Variants in ANTXR1 observed in about 807,000 individuals in gnomAD.
The protein encoded by ANTXR1 is ANTXR cell adhesion molecule 1.
ANTXR1 carries 19 observed loss-of-function variants against 78.1 expected under a neutral mutation model. That is an observed-to-expected ratio of 0.24 (90% CI 0.17 to 0.36). ANTXR1 has a LOEUF of 0.36. ANTXR1 is among the 10% of genes least tolerant of loss of function. The probability of loss-of-function intolerance (pLI) is 1.00; values close to 1 mark genes in which losing one functional copy is unlikely to be tolerated. For missense variants in ANTXR1, 518 were observed against 718.6 expected (o/e 0.72, Z 3.19); for synonymous variants, 273 against 260.5 (o/e 1.05, Z -0.46).
At chr2:69,219,040 A>G (rs940327668) in intron 17 of ANTXR1, among the ~76,000 whole-genome samples, 3 of 152,176 alleles carry the variant, frequency 2.0e-5, no homozygotes, top group African/African-American at 7.2e-5. Context: ...TATTATGATT[A>G]TTATTTCATG....
chr2:69,016,195 C>T (rs370731328), intron 1 of ANTXR1, among the ~76,000 whole-genome samples: 23 of 152,234 alleles, frequency 1.5e-4, no homozygotes, highest in African/African-American at 5.3e-4. Context: ...ATATGTGACT[C>T]GAGCACTTGA....
chr2:69,044,008 C>A (rs564062540), intron 2 of ANTXR1, among the ~76,000 whole-genome samples: 1 of 152,288 alleles, frequency 6.6e-6, no homozygotes, highest in African/African-American at 2.4e-5. Context: ...TTGCTGAATC[C>A]ACTGCAGTCT....
chr2:69,115,293 A>G (rs934997930), intron 10 of ANTXR1, among the ~76,000 whole-genome samples: 2 of 152,260 alleles, frequency 1.3e-5, no homozygotes, highest in African/African-American at 4.8e-5. Context: ...AATATTGTAA[A>G]GCCCTGATAC....
chr2:69,022,959 T>C (rs1031783078), intron 1 of ANTXR1, among the ~76,000 whole-genome samples: 2 of 152,206 alleles, frequency 1.3e-5, no homozygotes, highest in African/African-American at 2.4e-5. Context: ...ATTTAAGCCA[T>C]GTTGTTTACT....
chr2:69,076,742 T>C (rs1415652325), intron 7 of ANTXR1, among the ~76,000 whole-genome samples: 3 of 152,250 alleles, frequency 2.0e-5, no homozygotes, highest in Non-Finnish European at 4.4e-5. Flanking sequence ...AATGAGTAAG[T>C]ATTACTTTTG....
intron 17 of ANTXR1, among the ~76,000 whole-genome samples, chr2:69,212,578 G>A (rs1329682896): frequency 2.6e-5 from 4 of 152,148 alleles, no homozygotes; most frequent in Admixed American, 2.0e-4. Flanking sequence ...ATTTATATTT[G>A]TACTATTCAG....
intron 3 of ANTXR1, among the ~76,000 whole-genome samples, chr2:69,048,515 C>T (rs1669842131): frequency 6.6e-6 from 1 of 152,074 alleles, no homozygotes; most frequent in Admixed American, 6.6e-5. Flanking sequence ...TAAATTAGTA[C>T]TTCTTCTAGA....
At chr2:69,053,032 A>T (rs1400706779) in intron 3 of ANTXR1, among the ~76,000 whole-genome samples, 1 of 152,214 alleles carries the variant, frequency 6.6e-6, no homozygotes, top group Non-Finnish European at 1.5e-5. Context: ...AATGTCTTCA[A>T]CATAAATATA....
At chr2:69,148,025 G>A (rs1673275017) in intron 12 of ANTXR1, among the ~76,000 whole-genome samples, 1 of 152,212 alleles carries the variant, frequency 6.6e-6, no homozygotes, top group African/African-American at 2.4e-5. Context: ...CAGAATTGCA[G>A]CTGTCCTCCA....
intron 8 of ANTXR1, among the ~76,000 whole-genome samples, chr2:69,083,463 C>G (rs985693843): frequency 6.6e-6 from 1 of 152,180 alleles, no homozygotes; most frequent in Non-Finnish European, 1.5e-5. Context: ...CTCTCCTCTT[C>G]CATGAGCTCT....
intron 3 of ANTXR1, among the ~76,000 whole-genome samples, chr2:69,048,125 GTTCTTACATTAATT>G (rs1203485065): frequency 6.6e-6 from 1 of 152,070 alleles, no homozygotes; most frequent in Non-Finnish European, 1.5e-5. Flanking sequence ...GGAGAGTCTT[GTTCTTACATTAATT>G]GAAATACTTC....
In ANTXR1 at chr2:69,249,133, T is replaced by C. The variant is rs913001599; in HGVS notation, c.*3648T>C. 1 of 152,152 alleles carries C rather than the reference T, an allele frequency of 6.6e-6. No homozygotes were observed. The highest frequency in any genetic ancestry group is 2.4e-5 in the African/African-American group (1 of 41,422). 9.4% of individuals were successfully genotyped at this position (152,152 alleles called of 1,614,324 possible). ...ACCTGTACAATGACAACCCTGGAAG[T>C]TGCTTTTTTTAAAAAAATAATAAAT... On this transcript the variant is annotated 3_prime_UTR_variant, in exon 18 of 18. Transcript: ENST00000303714.
At chr2:69,038,822 T>G (rs747659269) in intron 1 of ANTXR1, among the ~76,000 whole-genome samples, 1 of 152,156 alleles carries the variant, frequency 6.6e-6, no homozygotes. Context: ...CAGACAGATA[T>G]ATCATTTCTG....
intron 9 of ANTXR1, among the ~76,000 whole-genome samples, chr2:69,096,209 G>C (rs1359933773): frequency 6.7e-6 from 1 of 149,894 alleles, no homozygotes; most frequent in Admixed American, 6.7e-5. Flanking sequence ...AGTGAGCCGA[G>C]ATCATGTCAC....
chr2:69,178,890 A>G lies in ANTXR1; in HGVS notation c.1090-2896A>G, dbSNP rs114492873. Among the ~76,000 whole-genome samples, 737 of 152,332 alleles carry G rather than the reference A, an allele frequency of 4.8e-3. 4 individuals are homozygous for G. Among genetic ancestry groups the G allele is most frequent in the African/African-American group, 0.017 (703 of 41,574 alleles). On this transcript the variant is annotated intron_variant, in intron 14 of 17. Transcript: ENST00000303714. The stretch of plus-strand genomic sequence containing the variant: ...GAGCTCCTAAAAAATTAAGAGGCTC[A>G]TGAACCTAGTTGAGTCCCCTGTGGA...
At chr2:69,238,149 G>A (rs1675814580) in intron 17 of ANTXR1, among the ~76,000 whole-genome samples, 2 of 152,160 alleles carry the variant, frequency 1.3e-5, no homozygotes, top group Non-Finnish European at 2.9e-5. Context: ...CTAACTACCT[G>A]TCACTCAGTG....
chr2:69,235,173 G>A (rs1266350866), intron 17 of ANTXR1, among the ~76,000 whole-genome samples: 3 of 151,850 alleles, frequency 2.0e-5, no homozygotes, highest in African/African-American at 7.2e-5. Flanking sequence ...ACAGGCATGT[G>A]CCACCACGCC....
intron 17 of ANTXR1, among the ~76,000 whole-genome samples, chr2:69,222,455 C>T (rs1182247133): frequency 2.0e-5 from 3 of 152,200 alleles, no homozygotes; most frequent in Non-Finnish European, 4.4e-5. Flanking sequence ...ATCATTGTCT[C>T]CATCTGCCCC....
At chr2:69,157,565 C>T (rs1248101287) in intron 13 of ANTXR1, among the ~76,000 whole-genome samples, 1 of 152,086 alleles carries the variant, frequency 6.6e-6, no homozygotes, top group East Asian at 1.9e-4. Context: ...GCAGAGCAAC[C>T]GCTGATGTCT....
Sources: allele counts gnomAD v4.1 joint callset (sites outside exome capture counted in the v4.1 genomes callset), GRCh38; gene constraint gnomAD v4.1.1; transcripts MANE v1.5; gene names NCBI Gene and HGNC (gene_info 2026-07-23, HGNC 2026-07-21).